Variants in DGKI observed in about 807,000 individuals in gnomAD.
The protein encoded by DGKI is diacylglycerol kinase iota, also known as DAG kinase iota.
In DGKI, 55 loss-of-function variants were observed where a neutral mutation model predicts 147.5. The observed-to-expected ratio is 0.37, with a 90% CI of 0.30 to 0.47. DGKI has a LOEUF of 0.47. Among genes scored for constraint, DGKI ranks in the 20% least tolerant of loss-of-function variants. DGKI has a pLI of 1.00. For missense variants in DGKI, 1,007 were observed against 1,323.8 expected (o/e 0.76, Z 3.71); for synonymous variants, 469 against 477.1 (o/e 0.98, Z 0.22).
At chr7:137,815,809 T>C (rs1488087776) in intron 1 of DGKI, among the ~76,000 whole-genome samples, 1 of 152,202 alleles carries the variant, frequency 6.6e-6, no homozygotes, top group Admixed American at 6.5e-5. Context: ...AGACTTTAGA[T>C]AGAAGCTTGT....
chr7:137,549,278 T>C lies in DGKI; in HGVS notation c.2147+3091A>G, dbSNP rs116550676. On this transcript the variant is annotated intron_variant, in intron 20 of 32. Coordinates refer to ENST00000614521, the MANE Select transcript of DGKI (RefSeq NM_001321708.2). ...TATTTGGGTATGAGTCTTCAATTTT[T>C]AGAAGAAAATTCTGGGCTGAAGACA... 2.1e-3 allele frequency among the ~76,000 whole-genome samples: 321 copies of C among 152,342 alleles called. 1 individual carries two copies. Among genetic ancestry groups the C allele is most frequent in the African/African-American group, 7.3e-3 (305 of 41,576 alleles).
intron 12 of DGKI, among the ~76,000 whole-genome samples, chr7:137,596,001 C>CAAAAAAAAAAAA (rs71177914): frequency 5.8e-3 from 258 of 44,430 alleles, no homozygotes; most frequent in Non-Finnish European, 7.6e-3. Flanking sequence ...GACTCCGTCT[C>CAAAAAAAAAAAA]AAAAAAAAAA....
chr7:137,388,054 T>G lies in DGKI; in HGVS notation c.*3166A>C, dbSNP rs777477429. On this transcript the variant is annotated 3_prime_UTR_variant, in exon 33 of 33. Transcript: ENST00000614521. ...CTCCATCAGTCATTACTAATTTCCA[T>G]CACTGTGCATTTGCCAGCTAAATTA... The G allele has an allele frequency of 2.0e-5, 3 of 152,162 alleles. No homozygotes were observed. The highest frequency in any genetic ancestry group is 4.4e-5 in the Non-Finnish European group (3 of 68,016). 9.4% of individuals were successfully genotyped at this position (152,162 alleles called of 1,614,324 possible).
intron 20 of DGKI, among the ~76,000 whole-genome samples, chr7:137,550,661 TCA>T (rs1163289429): frequency 6.6e-6 from 1 of 152,212 alleles, no homozygotes; most frequent in African/African-American, 2.4e-5. Context: ...ATACGAATTC[TCA>T]ACACAAAGGT....
At chr7:137,654,107 C>T (rs1173525369) in intron 5 of DGKI, among the ~76,000 whole-genome samples, 1 of 152,222 alleles carries the variant, frequency 6.6e-6, no homozygotes, top group African/African-American at 2.4e-5. Context: ...ACTCTTCATT[C>T]TAACTTCCTC....
chr7:137,483,071 T>A (rs1222672505), intron 23 of DGKI, among the ~76,000 whole-genome samples: 2 of 152,082 alleles, frequency 1.3e-5, no homozygotes, highest in Admixed American at 6.6e-5. Context: ...AAAATATCAT[T>A]AATCCTTCTG....
intron 28 of DGKI, among the ~76,000 whole-genome samples, chr7:137,427,737 G>A (rs931316876): frequency 3.3e-5 from 5 of 152,142 alleles, no homozygotes; most frequent in Admixed American, 6.5e-5. Flanking sequence ...TGATCCCACA[G>A]AAATACAAAC....
chr7:137,583,601 A>G (rs1376858540), intron 14 of DGKI, among the ~76,000 whole-genome samples: 1 of 152,226 alleles, frequency 6.6e-6, no homozygotes, highest in Non-Finnish European at 1.5e-5. Flanking sequence ...CATTTTAAAT[A>G]AACCCTTTAA....
At position 137,385,618 on chromosome 7, in the gene DGKI, C is replaced by T. The variant is rs1015610601; in HGVS notation, c.*5602G>A. The T allele has an allele frequency of 3.3e-5, 5 of 152,076 alleles. No homozygotes were observed. Among genetic ancestry groups the T allele is most frequent in the Non-Finnish European group, 5.9e-5 (4 of 67,970 alleles). 9.4% of individuals were successfully genotyped at this position (152,076 alleles called of 1,614,324 possible). ...CTCTGCTTATTTTTCCTAGTTCTAT[C>T]CTGAGAGCTAGAATAAATCAGTCTT... On this transcript the variant is annotated 3_prime_UTR_variant, in exon 33 of 33. Coordinates refer to ENST00000614521, the MANE Select transcript of DGKI (RefSeq NM_001321708.2).
chr7:137,623,442 A>G (rs527657507), intron 7 of DGKI, 41 bp downstream of exon 7: 1 of 1,581,120 alleles, frequency 6.3e-7, no homozygotes, highest in Non-Finnish European at 8.7e-7. Flanking sequence ...GTATTTCGAC[A>G]AAACATGAGC....
At chr7:137,620,701 T>C (rs905250471) in intron 7 of DGKI, among the ~76,000 whole-genome samples, 1 of 152,238 alleles carries the variant, frequency 6.6e-6, no homozygotes, top group Non-Finnish European at 1.5e-5. Context: ...TATTAGGGTC[T>C]TAACTGTATA....
At chr7:137,482,314 A>C (rs1191521661) in intron 23 of DGKI, among the ~76,000 whole-genome samples, 2 of 151,646 alleles carry the variant, frequency 1.3e-5, no homozygotes, top group South Asian at 4.1e-4. Context: ...CTCAGTTTCC[A>C]TGATTCTTCT....
chr7:137,521,464 C>T (rs1816958142), intron 21 of DGKI, among the ~76,000 whole-genome samples: 1 of 152,006 alleles, frequency 6.6e-6, no homozygotes, highest in South Asian at 2.1e-4. Context: ...GCCTCTTTGC[C>T]ACATCTCTGT....
chr7:137,468,718 G>C (rs1427948684), intron 24 of DGKI, among the ~76,000 whole-genome samples: 2 of 152,202 alleles, frequency 1.3e-5, no homozygotes, highest in East Asian at 3.9e-4. Context: ...TAGGCTACTG[G>C]ACAGTCCTTA....
intron 1 of DGKI, among the ~76,000 whole-genome samples, chr7:137,702,303 C>T (rs527944356): frequency 2.0e-5 from 3 of 152,122 alleles, no homozygotes; most frequent in Admixed American, 6.5e-5. Flanking sequence ...ATGAATTCAA[C>T]TACATCAAAA....
intron 1 of DGKI, among the ~76,000 whole-genome samples, chr7:137,711,133 T>C (rs1047398040): frequency 6.6e-6 from 1 of 152,166 alleles, no homozygotes; most frequent in Non-Finnish European, 1.5e-5. Context: ...CTTGGCAAGA[T>C]ATAGAGCTTA....
intron 21 of DGKI, among the ~76,000 whole-genome samples, chr7:137,503,005 C>A (rs746276627): frequency 2.0e-5 from 3 of 152,114 alleles, no homozygotes; most frequent in Non-Finnish European, 4.4e-5. Context: ...GACAAAGGAC[C>A]AGAACCATCA....
intron 2 of DGKI, among the ~76,000 whole-genome samples, chr7:137,685,124 C>T (rs1384606270): frequency 2.0e-5 from 3 of 152,108 alleles, no homozygotes; most frequent in Non-Finnish European, 4.4e-5. Flanking sequence ...TTCTATCTGC[C>T]TCAGAGAAAG....
chr7:137,531,571 T>C (rs1333938557), intron 20 of DGKI, among the ~76,000 whole-genome samples: 2 of 152,202 alleles, frequency 1.3e-5, no homozygotes, highest in Non-Finnish European at 2.9e-5. Flanking sequence ...GCCATCAAAA[T>C]GGATTTAGAT....
Sources: gnomAD v4.1 joint callset for allele counts (sites outside exome capture counted in the v4.1 genomes callset) on GRCh38, gnomAD v4.1.1 for gene constraint, MANE v1.5 for transcripts, NCBI Gene and HGNC (gene_info 2026-07-23, HGNC 2026-07-21) for gene names.